The following HSPA9 variants were observed in gnomAD, a reference collection of about 807,000 sequenced individuals.
HSPA9 encodes the protein stress-70 protein, mitochondrial.
HSPA9 carries 28 observed loss-of-function variants against 81.5 expected under a neutral mutation model. The ratio of observed to expected loss-of-function variants is 0.34; its 90% CI spans 0.25 to 0.47. The LOEUF (loss-of-function observed/expected upper bound fraction) is 0.47. Among genes scored for constraint, HSPA9 ranks in the 20% least tolerant of loss-of-function variants. HSPA9 has a pLI of 1.00. For missense variants in HSPA9, 678 were observed against 838.0 expected (o/e 0.81, Z 2.36); for synonymous variants, 293 against 290.4 (o/e 1.01, Z -0.09).
At position 138,556,029 on chromosome 5, in the gene HSPA9, T is replaced by A. The variant is rs375337663; in HGVS notation, c.*8A>T. The A allele has an allele frequency of 6.2e-7, 1 of 1,601,716 alleles. No individual in the cohort carries two copies. The highest frequency in any genetic ancestry group is 1.3e-5 in the African/African-American group (1 of 74,708). ...GTTGTCCTTCTGGCTTCAAAATTTC[T>A]GCTATTATTACTGTTTTTCCTCCTT... On this transcript the variant is annotated 3_prime_UTR_variant, in exon 17 of 17. Coordinates refer to ENST00000297185, the MANE Select transcript of HSPA9 (RefSeq NM_004134.7).
Position 138,556,541 on chromosome 5 carries a change from T to A in HSPA9, c.1873A>T (p.Lys625Ter). Residue 625 changes from lysine to a stop codon, truncating the protein, a stop_gained, in exon 16 of 17, where the codon AAA becomes TAA. Transcript: ENST00000297185. LOFTEE classifies it high-confidence loss of function. ...ATATTTTCTCCTGTTTCGCTGTCTT[T>A]TCTAGCCAGGAGCTCCCTCATTTTG... Reference protein sequence around the residue: ...ISKMRELLARKDSETGENIRQ... With the variant: ...ISKMRELLAR The A allele has an allele frequency of 6.2e-7, 1 of 1,614,138 alleles. No homozygotes were observed. Among genetic ancestry groups the A allele is most frequent in the Non-Finnish European group, 8.5e-7 (1 of 1,180,004 alleles).
intron 9 of HSPA9, among the ~76,000 whole-genome samples, chr5:138,565,026 G>A (rs1050278198): frequency 1.3e-5 from 2 of 152,092 alleles, no homozygotes; most frequent in Admixed American, 1.3e-4. Context: ...CTGCATGAGG[G>A]TAATAAACGC....
chr5:138,568,225 G>A (rs1433668091), intron 5 of HSPA9, among the ~76,000 whole-genome samples: 3 of 151,872 alleles, frequency 2.0e-5, no homozygotes, highest in Admixed American at 6.6e-5. Context: ...GGCCAGGCAC[G>A]GTGGCTCATG....
chr5:138,556,878 T>G lies in HSPA9; in HGVS notation c.1729-12A>C, dbSNP rs775238681. The G allele has an allele frequency of 1.6e-5, 25 of 1,602,248 alleles. No individual in the cohort carries two copies. The highest frequency in any genetic ancestry group is 2.0e-5 in the Non-Finnish European group (23 of 1,169,556). On this transcript the variant is annotated splice_polypyrimidine_tract_variant and intron_variant, in intron 14 of 16. Transcript: ENST00000297185. The stretch of plus-strand genomic sequence containing the variant: ...GCTTCAACTCGTTCCTTAGAGAAAT[T>G]AGAAGTTTAAACGAAGACTTTCCAA...
intron 9 of HSPA9, among the ~76,000 whole-genome samples, chr5:138,566,057 C>T (rs1750752667): frequency 6.6e-6 from 1 of 151,934 alleles, no homozygotes; most frequent in African/African-American, 2.4e-5. Flanking sequence ...CATGGTGGTG[C>T]ACACCTGTAA....
chr5:138,556,713 A>G, intron 15 of HSPA9, 61 bp downstream of exon 15: 1 of 1,559,454 alleles, frequency 6.4e-7, no homozygotes, highest in East Asian at 2.2e-5. Flanking sequence ...AGAAAAATAA[A>G]CTTCACTGGC....
At chr5:138,558,695 TTAACC>T in intron 11 of HSPA9, 38 bp from the exon 12 acceptor site, 1 of 1,221,024 alleles carries the variant, frequency 8.2e-7, no homozygotes, top group Non-Finnish European at 1.2e-6. Flanking sequence ...GTCAATGTGA[TTAACC>T]TACTCCATTT....
intron 3 of HSPA9, among the ~76,000 whole-genome samples, chr5:138,571,587 T>C (rs1350981849): frequency 6.6e-6 from 1 of 152,060 alleles, no homozygotes; most frequent in Admixed American, 6.5e-5. Flanking sequence ...TTACTGCTGA[T>C]AGTTAATGAA....
Position 138,567,337 on chromosome 5 carries a change from A to G in HSPA9, c.716+118T>C. 1.2e-5 allele frequency: 13 copies of G among 1,050,014 alleles called. No individual in the cohort carries two copies. In the South Asian group the frequency reaches 1.8e-4, roughly 14 times the overall value. The allele number at this position is 1,050,014 out of a possible 1,614,324, so 65.0% of individuals were successfully genotyped here. On this transcript the variant is annotated intron_variant, in intron 7 of 16. Coordinates refer to ENST00000297185, the MANE Select transcript of HSPA9 (RefSeq NM_004134.7). ...GAAAAGAATGGTTTTGAAATGAAAAAACAAAGACAATACAGACTTAAAATC... is the reference window on the plus strand; with the variant it reads ...GAAAAGAATGGTTTTGAAATGAAAAGACAAAGACAATACAGACTTAAAATC...
Position 138,575,374 on chromosome 5 carries a change from T to C in HSPA9, c.-56A>G, listed in dbSNP as rs760939341. ...AACAAGCGCTCCGACGGCAAAGAGCTGCGCGATGCGGTGGCGGCAGCGCTT... is the reference window on the plus strand; with the variant it reads ...AACAAGCGCTCCGACGGCAAAGAGCCGCGCGATGCGGTGGCGGCAGCGCTT... On this transcript the variant is annotated 5_prime_UTR_variant, in exon 1 of 17. Coordinates refer to ENST00000297185, the MANE Select transcript of HSPA9 (RefSeq NM_004134.7). 10 of 1,434,984 alleles carry C rather than the reference T, an allele frequency of 7.0e-6. No homozygotes were observed. Among genetic ancestry groups the C allele is most frequent in the South Asian group, 5.8e-5 (5 of 85,612 alleles). The allele number at this position is 1,434,984 out of a possible 1,614,324, so 88.9% of individuals were successfully genotyped here. A position where few individuals can be genotyped will look rare whatever the true frequency, so the allele number is the denominator to read the frequency against.
At chr5:138,558,685 G>C in intron 11 of HSPA9, 28 bp from the exon 12 acceptor site, 1 of 1,388,782 alleles carries the variant, frequency 7.2e-7, no homozygotes, top group Non-Finnish European at 1.0e-6. Flanking sequence ...CTCCTGGGTT[G>C]TCAATGTGAT....
At position 138,567,181 on chromosome 5, in the gene HSPA9, A is replaced by G. The variant is rs769755278; in HGVS notation, c.717-18T>C. On this transcript the variant is annotated intron_variant, in intron 7 of 16. Transcript: ENST00000297185. ...CAGCAATGCTGTAAATGATTTGTGA[A>G]AAAAAAAAGAAAAGAAATCCTTAAG... The G allele has an allele frequency of 2.1e-4, 299 of 1,446,058 alleles. No homozygotes were observed. The highest frequency in any genetic ancestry group is 2.5e-4 in the Non-Finnish European group (279 of 1,101,438). 89.6% of individuals were successfully genotyped at this position (1,446,058 alleles called of 1,614,324 possible). A position where few individuals can be genotyped will look rare whatever the true frequency, so the allele number is the denominator to read the frequency against.
chr5:138,571,572 A>G (rs1053973478), intron 3 of HSPA9, among the ~76,000 whole-genome samples: 3 of 152,164 alleles, frequency 2.0e-5, no homozygotes, highest in African/African-American at 4.8e-5. Flanking sequence ...ACTACCGGGC[A>G]TGCTTTACTG....
chr5:138,569,281 T>C (rs1561860849), intron 4 of HSPA9, among the ~76,000 whole-genome samples: 2 of 152,220 alleles, frequency 1.3e-5, no homozygotes, highest in Non-Finnish European at 1.5e-5. Context: ...AAAAACATTA[T>C]GATGAAACCT....
chr5:138,575,375 G>T lies in HSPA9; in HGVS notation c.-57C>A. ...ACAAGCGCTCCGACGGCAAAGAGCT[G>T]CGCGATGCGGTGGCGGCAGCGCTTC... On this transcript the variant is annotated 5_prime_UTR_variant, in exon 1 of 17. Coordinates refer to ENST00000297185, the MANE Select transcript of HSPA9 (RefSeq NM_004134.7). The T allele has an allele frequency of 2.1e-6, 3 of 1,426,362 alleles. No individual in the cohort carries two copies. Among genetic ancestry groups the T allele is most frequent in the Non-Finnish European group, 2.0e-6 (2 of 1,016,178 alleles). The allele number at this position is 1,426,362 out of a possible 1,614,324, so 88.4% of individuals were successfully genotyped here.
chr5:138,565,375 TA>T (rs113207434), intron 9 of HSPA9, among the ~76,000 whole-genome samples: 50 of 148,550 alleles, frequency 3.4e-4, no homozygotes, highest in African/African-American at 8.4e-4. Flanking sequence ...CACAGCCACT[TA>T]AAAAAAAAAA....
chr5:138,556,980 AAG>A (rs1464939222), intron 14 of HSPA9, 114 bp from the exon 15 acceptor site: 40 of 791,352 alleles, frequency 5.1e-5, no homozygotes, highest in African/African-American at 1.0e-4. Context: ...AAAATAGAGT[AAG>A]AGGGAGAAAT....
Position 138,557,479 on chromosome 5 carries a change from C to A in HSPA9, c.1651G>T (p.Gly551Cys). ...REQQIVIQSS[G>C]GLSKDDIENM... ...TCAATATCATCTTTGCTTAATCCAC[C>A]AGAAGACTGGATTACAACTGTAGTA... Residue 551 changes from glycine (G) to cysteine (C), a missense_variant, in exon 14 of 17, where the codon GGT becomes TGT. Coordinates refer to ENST00000297185, the MANE Select transcript of HSPA9 (RefSeq NM_004134.7). 1 of 1,600,978 alleles carries A rather than the reference C, an allele frequency of 6.2e-7. No individual in the cohort carries two copies. The highest frequency in any genetic ancestry group is 8.6e-7 in the Non-Finnish European group (1 of 1,168,914).
Position 138,567,054 on chromosome 5 carries a change from C to T in HSPA9, c.826G>A (p.Glu276Lys). ...STNGDTFLGG[E>K]DFDQALLRHI... Reference sequence around the variant, plus strand: ...CGTAGCAAGGCCTGGTCAAAGTCTTCCCCACCTAAGAAGGTATCCCCATTT... The same window carrying T: ...CGTAGCAAGGCCTGGTCAAAGTCTTTCCCACCTAAGAAGGTATCCCCATTT... The change falls in exon 8 of 17, where the codon GAA (glutamate) becomes AAA (lysine). Residue 276 changes from glutamate (E) to lysine (K), a missense_variant. By Grantham distance (56) the Glu-to-Lys change is moderately conservative. Around this residue, in one of 4 missense-constraint regions of HSPA9, gnomAD observed 484 missense variants for 647.5 expected, o/e 0.75. Transcript: ENST00000297185. 6.2e-7 allele frequency: 1 copy of T among 1,613,652 alleles called. No individual in the cohort carries two copies. Among genetic ancestry groups the T allele is most frequent in the South Asian group, 1.1e-5 (1 of 91,058 alleles).
Sources: allele counts gnomAD v4.1 joint callset (sites outside exome capture counted in the v4.1 genomes callset), GRCh38; gene constraint gnomAD v4.1.1; regional missense constraint gnomAD v4.1.1; transcripts MANE v1.5; gene names NCBI Gene and HGNC (gene_info 2026-07-23, HGNC 2026-07-21).